Variants in NCAPG2 observed in about 807,000 individuals in gnomAD.
NCAPG2 encodes the protein condensin-2 complex subunit G2.
A neutral mutation model predicts 141.1 loss-of-function variants in NCAPG2; 53 were observed. The observed-to-expected ratio is 0.38, with a 90% CI of 0.30 to 0.47. The LOEUF (loss-of-function observed/expected upper bound fraction) is 0.47. Among genes scored for constraint, NCAPG2 ranks in the 20% least tolerant of loss-of-function variants. The pLI is 0.99. For missense variants in NCAPG2, 1,087 were observed against 1,389.0 expected (o/e 0.78, Z 3.46); for synonymous variants, 499 against 490.7 (o/e 1.02, Z -0.22).
intron 25 of NCAPG2, among the ~76,000 whole-genome samples, chr7:158,646,116 A>C (rs896495633): frequency 3.3e-5 from 5 of 152,216 alleles, no homozygotes; most frequent in African/African-American, 4.8e-5. Context: ...TGGCACCGGT[A>C]TTTAACCTTG....
In NCAPG2 at chr7:158,655,143, C is replaced by G. The variant is rs774364803; in HGVS notation, c.2621G>C (p.Arg874Thr). The change falls in exon 21 of 28, where the codon AGG becomes ACG. Residue 874 changes from arginine (R) to threonine (T), a missense_variant. By Grantham distance (71) the Arg-to-Thr change is moderately conservative. Transcript: ENST00000356309. ...DQEEDYLKLH[R>T]VIYQQIIQTY... is the part of the protein sequence containing the mutation. Reference sequence around the variant, plus strand: ...CTGGATAATTTGCTGATAAATGACCCTATGAAGCTTCAGGTAGTCTTCTTC... The same window carrying G: ...CTGGATAATTTGCTGATAAATGACCGTATGAAGCTTCAGGTAGTCTTCTTC... 6.8e-6 allele frequency: 11 copies of G among 1,613,280 alleles called. No homozygotes were observed. In the South Asian group the frequency reaches 9.9e-5, roughly 15 times the overall value.
intron 16 of NCAPG2, among the ~76,000 whole-genome samples, chr7:158,661,532 T>C (rs1832503370): frequency 6.6e-6 from 1 of 152,086 alleles, no homozygotes. Flanking sequence ...AAAAGATCTA[T>C]CCTATAACAT....
chr7:158,667,004 T>C (rs1400672559), intron 13 of NCAPG2: 3 of 440,944 alleles, frequency 6.8e-6, no homozygotes, highest in Non-Finnish European at 9.0e-6. Flanking sequence ...TGCCAGGTTG[T>C]TCCTGCCCAT....
chr7:158,675,347 T>C, intron 12 of NCAPG2, 130 bp downstream of exon 12: 1 of 1,023,758 alleles, frequency 9.8e-7, no homozygotes, highest in Non-Finnish European at 1.4e-6. Context: ...TTACTTTGGA[T>C]ATATGACAGG....
chr7:158,675,666 G>A lies in NCAPG2; in HGVS notation c.1147-10C>T. ...GATCTTCTAAAAGGCTCTATAAGTAGGAGGGGAGAAAGGCTTAAAAACCTT... is the reference window on the plus strand; with the variant it reads ...GATCTTCTAAAAGGCTCTATAAGTAAGAGGGGAGAAAGGCTTAAAAACCTT... On this transcript the variant is annotated splice_polypyrimidine_tract_variant and intron_variant, in intron 11 of 27. Transcript: ENST00000356309. The A allele has an allele frequency of 5.0e-6, 8 of 1,605,302 alleles. No homozygotes were observed. The highest frequency in any genetic ancestry group is 5.9e-6 in the Non-Finnish European group (7 of 1,177,968).
chr7:158,682,952 T>C (rs944314891), intron 9 of NCAPG2, among the ~76,000 whole-genome samples: 1 of 152,112 alleles, frequency 6.6e-6, no homozygotes, highest in Non-Finnish European at 1.5e-5. Context: ...AAGAGCAAAA[T>C]TGGAATTTAA....
At chr7:158,693,253 A>AT in intron 3 of NCAPG2, 56 bp downstream of exon 3, 1 of 1,539,814 alleles carries the variant, frequency 6.5e-7, no homozygotes, top group East Asian at 2.2e-5. Context: ...CAGTGAAGTT[A>AT]TTTTTTGACA....
chr7:158,701,023 G>A (rs1835749569), intron 2 of NCAPG2, among the ~76,000 whole-genome samples: 1 of 152,120 alleles, frequency 6.6e-6, no homozygotes, highest in African/African-American at 2.4e-5. Context: ...CTGGCCATCC[G>A]CTGGTGCACA....
At chr7:158,666,327 G>A (rs998416314) in intron 13 of NCAPG2, among the ~76,000 whole-genome samples, 3 of 152,186 alleles carry the variant, frequency 2.0e-5, no homozygotes, top group Non-Finnish European at 4.4e-5. Context: ...ACTTCTGACA[G>A]CGAGGTATCA....
At chr7:158,662,958 T>C (rs1306036238) in intron 15 of NCAPG2, among the ~76,000 whole-genome samples, 1 of 152,210 alleles carries the variant, frequency 6.6e-6, no homozygotes, top group Admixed American at 6.5e-5. Context: ...ACTTACACTT[T>C]CCTGAACATA....
chr7:158,654,492 A>G, intron 22 of NCAPG2, 103 bp downstream of exon 22: 1 of 1,162,464 alleles, frequency 8.6e-7, no homozygotes, highest in Non-Finnish European at 1.2e-6. Flanking sequence ...TTGCATTATA[A>G]TCAGTCACTT....
At chr7:158,689,402 A>G (rs1834987684) in intron 6 of NCAPG2, among the ~76,000 whole-genome samples, 1 of 152,174 alleles carries the variant, frequency 6.6e-6, no homozygotes, top group Non-Finnish European at 1.5e-5. Context: ...CAGTGCAGCA[A>G]CAGGCCAGAA....
In NCAPG2 at chr7:158,680,775, T is replaced by C. The variant is rs1412707192; in HGVS notation, c.966A>G (p.Gly322=). The change falls in exon 10 of 28, where the codon GGA becomes GGG. Residue 322 remains glycine, a synonymous_variant. Coordinates refer to ENST00000356309, the MANE Select transcript of NCAPG2 (RefSeq NM_017760.7). ...YFHHQKKVRQ[G]VEEMLYRLYK... Reference sequence around the variant, plus strand: ...ATAATCTATAAAGCATCTCTTCCACTCCCTGCCGAACTTTCTTTTGATGGT... The same window carrying C: ...ATAATCTATAAAGCATCTCTTCCACCCCCTGCCGAACTTTCTTTTGATGGT... The C allele has an allele frequency of 6.2e-7, 1 of 1,606,010 alleles. No homozygotes were observed. Among genetic ancestry groups the C allele is most frequent in the South Asian group, 1.1e-5 (1 of 88,744 alleles).
chr7:158,697,605 GAA>G (rs200908688), intron 2 of NCAPG2, among the ~76,000 whole-genome samples: 3 of 81,732 alleles, frequency 3.7e-5, no homozygotes, highest in Admixed American at 1.3e-4. Flanking sequence ...CAACTGAAAA[GAA>G]AAAAAAAAAA....
chr7:158,653,375 A>T (rs1831633133), intron 22 of NCAPG2, among the ~76,000 whole-genome samples: 1 of 88,566 alleles, frequency 1.1e-5, no homozygotes, highest in Admixed American at 1.2e-4. Context: ...AAAAAAAAAA[A>T]AATAAAAAAA....
In NCAPG2 at chr7:158,675,469, A is replaced by T. The variant is rs1307743675; in HGVS notation, c.1326+8T>A. On this transcript the variant is annotated splice_region_variant and intron_variant, in intron 12 of 27. Coordinates refer to ENST00000356309, the MANE Select transcript of NCAPG2 (RefSeq NM_017760.7). ...TAAACATTACTTACATAATTTAAAA[A>T]ATCTTACCTTAAAGACAGAACAACG... 5.7e-6 allele frequency: 9 copies of T among 1,567,110 alleles called. No individual in the cohort carries two copies. Among genetic ancestry groups the T allele is most frequent in the Non-Finnish European group, 7.7e-6 (9 of 1,163,874 alleles).
chr7:158,698,196 T>TA (rs760069000), intron 2 of NCAPG2, among the ~76,000 whole-genome samples: 9 of 152,228 alleles, frequency 5.9e-5, no homozygotes, highest in Admixed American at 2.0e-4. Flanking sequence ...TAAAGGATTT[T>TA]AAAAGTTTAT....
chr7:158,668,165 A>C (rs1833337277), intron 13 of NCAPG2: 1 of 407,190 alleles, frequency 2.5e-6, no homozygotes, highest in Non-Finnish European at 3.0e-6. Context: ...CCTCTTACCC[A>C]CTACTGGGTC....
chr7:158,689,772 A>G (rs752656935), intron 6 of NCAPG2, 47 bp downstream of exon 6: 55 of 1,479,616 alleles, frequency 3.7e-5, no homozygotes, highest in South Asian at 1.8e-4. Flanking sequence ...AGAAACATCT[A>G]TTAAGAAGCA....
Sources: allele counts gnomAD v4.1 joint callset (sites outside exome capture counted in the v4.1 genomes callset), GRCh38; gene constraint gnomAD v4.1.1; transcripts MANE v1.5; gene names NCBI Gene and HGNC (gene_info 2026-07-23, HGNC 2026-07-21).